The following CEMIP variants were observed in gnomAD, a reference collection of about 807,000 sequenced individuals.
CEMIP encodes cell migration-inducing and hyaluronan-binding protein.
CEMIP carries 105 observed loss-of-function variants against 156.9 expected under a neutral mutation model. The ratio of observed to expected loss-of-function variants is 0.67; its 90% CI spans 0.57 to 0.79. CEMIP has a LOEUF of 0.79. CEMIP is among the 30% of genes least tolerant of loss of function. The pLI is 0.00. For missense variants in CEMIP, 1,457 were observed against 1,769.4 expected (o/e 0.82, Z 3.17); for synonymous variants, 676 against 668.4 (o/e 1.01, Z -0.17).
chr15:80,821,826 T>G (rs1044308896), intron 1 of CEMIP, among the ~76,000 whole-genome samples: 10 of 152,210 alleles, frequency 6.6e-5, no homozygotes, highest in African/African-American at 2.4e-4. Context: ...GTGTGGCAGA[T>G]CCCTGAAAGG....
At chr15:80,808,105 C>T (rs1896559614) in intron 1 of CEMIP, among the ~76,000 whole-genome samples, 1 of 152,190 alleles carries the variant, frequency 6.6e-6, no homozygotes, top group South Asian at 2.1e-4. Flanking sequence ...CTTAGTAACC[C>T]TTTGAAGTCA....
rs374005851 is a variant in CEMIP at position 80,927,049 on chromosome 15, G to T, written c.2420+1294G>T. ...TTTCACCACATTGGCCAGGCTGGTC[G>T]CAAGCTCCTGACCTTGTGATTCGCC... On this transcript the variant is annotated intron_variant, in intron 19 of 29. Transcript: ENST00000394685. 3.5e-4 allele frequency among the ~76,000 whole-genome samples: 53 copies of T among 152,286 alleles called. No homozygotes were observed. In the East Asian group the frequency reaches 7.1e-3, roughly 21 times the overall value.
At chr15:80,847,128 A>G (rs1897581418) in intron 1 of CEMIP, among the ~76,000 whole-genome samples, 1 of 152,160 alleles carries the variant, frequency 6.6e-6, no homozygotes, top group Non-Finnish European at 1.5e-5. Context: ...TCTATAGGAA[A>G]GCCTTGACCT....
intron 1 of CEMIP, among the ~76,000 whole-genome samples, chr15:80,814,116 T>TCAGCTCACA (rs1896735730): frequency 7.5e-6 from 1 of 132,770 alleles, no homozygotes; most frequent in African/African-American, 2.9e-5. Flanking sequence ...AGTGGTGCAA[T>TCAGCTCACA]CAGCTCACTG....
intron 1 of CEMIP, among the ~76,000 whole-genome samples, chr15:80,839,378 A>G (rs78959957): frequency 6.6e-6 from 1 of 151,750 alleles, no homozygotes; most frequent in African/African-American, 2.4e-5. Flanking sequence ...TGAATGAAAG[A>G]GACAAACAAG....
chr15:80,874,082 G>A lies in CEMIP; in HGVS notation c.94+109G>A, dbSNP rs145587274. The A allele has an allele frequency of 2.5e-4, 260 of 1,045,036 alleles. No individual in the cohort carries two copies. In the African/African-American group the frequency reaches 2.9e-3, roughly 12 times the overall value. 64.7% of individuals were successfully genotyped at this position (1,045,036 alleles called of 1,614,324 possible). A position where few individuals can be genotyped will look rare whatever the true frequency, so the allele number is the denominator to read the frequency against. The stretch of plus-strand genomic sequence containing the variant: ...CCAGGAGAAGGAGCCGTGGGAGTGG[G>A]TCAGGGTGCCTGGGCCTTGGCCCGA... On this transcript the variant is annotated intron_variant, in intron 3 of 29. Coordinates refer to ENST00000394685, the MANE Select transcript of CEMIP (RefSeq NM_001293298.2).
chr15:80,837,484 T>C (rs1185587642), intron 1 of CEMIP, among the ~76,000 whole-genome samples: 1 of 152,138 alleles, frequency 6.6e-6, no homozygotes, highest in Admixed American at 6.5e-5. Flanking sequence ...CACAACACCC[T>C]TGAGAGGTCA....
At chr15:80,824,403 G>A (rs1020723831) in intron 1 of CEMIP, among the ~76,000 whole-genome samples, 11 of 152,160 alleles carry the variant, frequency 7.2e-5, no homozygotes, top group African/African-American at 2.7e-4. Flanking sequence ...GGGTGAAACT[G>A]TCACCAGGGC....
chr15:80,852,322 G>T (rs1897733483), intron 1 of CEMIP, among the ~76,000 whole-genome samples: 4 of 152,074 alleles, frequency 2.6e-5, no homozygotes, highest in Admixed American at 2.6e-4. Context: ...CACACAGAAG[G>T]CCCTTGAAGT....
At chr15:80,888,839 A>G in intron 9 of CEMIP, 43 bp downstream of exon 9, 1 of 1,442,762 alleles carries the variant, frequency 6.9e-7, no homozygotes, top group Non-Finnish European at 9.8e-7. Flanking sequence ...ACAGTGGGAT[A>G]GAAGACCAGA....
chr15:80,829,852 T>C (rs532495251), intron 1 of CEMIP, among the ~76,000 whole-genome samples: 22 of 152,280 alleles, frequency 1.4e-4, no homozygotes, highest in Non-Finnish European at 2.5e-4. Context: ...AAACCAACGC[T>C]TCCTTTATGC....
At chr15:80,923,360 T>A (rs35213543) in intron 17 of CEMIP, among the ~76,000 whole-genome samples, 1 of 152,104 alleles carries the variant, frequency 6.6e-6, no homozygotes, top group Non-Finnish European at 1.5e-5. Flanking sequence ...GGGGGCATAC[T>A]GCTGTTGGTG....
chr15:80,844,460 G>T (rs753475994), intron 1 of CEMIP, among the ~76,000 whole-genome samples: 81 of 152,220 alleles, frequency 5.3e-4, no homozygotes, highest in Non-Finnish European at 8.5e-4. Context: ...CCAGGTGACT[G>T]CTTTGCCCTG....
chr15:80,793,195 T>G (rs1896126657), intron 1 of CEMIP, among the ~76,000 whole-genome samples: 1 of 152,198 alleles, frequency 6.6e-6, no homozygotes, highest in Non-Finnish European at 1.5e-5. Context: ...GGGCACAAAC[T>G]CCTTGCCTAG....
intron 18 of CEMIP, 33 bp from the exon 19 acceptor site, chr15:80,925,591 G>A (rs765350684): frequency 1.2e-5 from 19 of 1,607,790 alleles, no homozygotes; most frequent in Non-Finnish European, 1.5e-5. Context: ...CCCCAACACC[G>A]CCACCTGTGC....
rs115817077 is a variant in CEMIP, at chr15:80,906,186, C to T, written c.1412-477C>T. Among the ~76,000 whole-genome samples, 2,326 of 152,326 alleles carry T rather than the reference C, an allele frequency of 0.015. 55 individuals are homozygous for T. The highest frequency in any genetic ancestry group is 0.051 in the African/African-American group (2,141 of 41,576). ...TCCAGAGACCAGGTTTCTTCTCTCCCGTTGCTCTGCCATCTCTGGGGCATG... is the reference window on the plus strand; with the variant it reads ...TCCAGAGACCAGGTTTCTTCTCTCCTGTTGCTCTGCCATCTCTGGGGCATG... On this transcript the variant is annotated intron_variant, in intron 12 of 29. Coordinates refer to ENST00000394685, the MANE Select transcript of CEMIP (RefSeq NM_001293298.2). This position sits in a 1 kb window ranked among gnomAD's most constrained non-coding sequence, Gnocchi z 4.3.
intron 1 of CEMIP, among the ~76,000 whole-genome samples, chr15:80,827,015 GA>G (rs2141668174): frequency 6.6e-6 from 1 of 152,356 alleles, no homozygotes; most frequent in African/African-American, 2.4e-5. Context: ...AAGCAGGACT[GA>G]GGATGGGTTT....
rs539602076 is a variant in CEMIP at position 80,927,125 on chromosome 15, A to T, written c.2420+1370A>T. On this transcript the variant is annotated intron_variant, in intron 19 of 29. Transcript: ENST00000394685. Reference sequence around the variant, plus strand: ...ATTACAGGCGTGAGCCACTGTGCCCAGCCGCAGGGCCTTCATTTTGCACAG... The same window carrying T: ...ATTACAGGCGTGAGCCACTGTGCCCTGCCGCAGGGCCTTCATTTTGCACAG... Among the ~76,000 whole-genome samples, 10 of 152,202 alleles carry T rather than the reference A, an allele frequency of 6.6e-5. 1 individual carries two copies. The highest frequency in any genetic ancestry group is 1.0e-4 in the Non-Finnish European group (7 of 68,032).
intron 1 of CEMIP, among the ~76,000 whole-genome samples, chr15:80,859,456 A>C (rs1036515576): frequency 6.6e-6 from 1 of 152,248 alleles, no homozygotes; most frequent in Non-Finnish European, 1.5e-5. Flanking sequence ...TCTTGCTGGC[A>C]ATGATGCCCT....
Sources: allele counts gnomAD v4.1 joint callset (sites outside exome capture counted in the v4.1 genomes callset), GRCh38; gene constraint gnomAD v4.1.1; non-coding constraint Gnocchi (gnomAD v3.1); transcripts MANE v1.5; gene names NCBI Gene and HGNC (gene_info 2026-07-23, HGNC 2026-07-21).